Variants in NMT1 observed in about 807,000 individuals in gnomAD.
The protein encoded by NMT1 is glycylpeptide N-tetradecanoyltransferase 1.
In NMT1, 12 loss-of-function variants were observed where a neutral mutation model predicts 63.4. The ratio of observed to expected loss-of-function variants is 0.19; its 90% CI spans 0.12 to 0.31. The LOEUF (loss-of-function observed/expected upper bound fraction) is 0.31. NMT1 is among the 10% of genes least tolerant of loss of function. The probability of loss-of-function intolerance (pLI) is 1.00; values close to 1 mark genes in which losing one functional copy is unlikely to be tolerated. For synonymous variants in NMT1, 228 were observed against 234.3 expected, an observed-to-expected ratio of 0.97 and a Z score of 0.25; for missense variants, 432 against 634.6, an observed-to-expected ratio of 0.68 and a Z score of 3.43.
chr17:45,064,355 G>A (rs570522303), intron 1 of NMT1, among the ~76,000 whole-genome samples: 27 of 152,264 alleles, frequency 1.8e-4, no homozygotes, highest in Middle Eastern at 6.8e-3. Context: ...GGAGGTAGTA[G>A]GTGAAAAACC....
At chr17:45,071,746 G>C (rs903938963) in intron 1 of NMT1, among the ~76,000 whole-genome samples, 21 of 152,110 alleles carry the variant, frequency 1.4e-4, no homozygotes, top group African/African-American at 4.8e-4. Flanking sequence ...TAGAGATGGG[G>C]TCTCACTTTG....
intron 1 of NMT1, among the ~76,000 whole-genome samples, chr17:45,080,538 G>A (rs1418415037): frequency 2.1e-5 from 3 of 142,980 alleles, no homozygotes; most frequent in Non-Finnish European, 4.5e-5. Context: ...GCATGATCTC[G>A]GCTCACTGCA....
intron 1 of NMT1, among the ~76,000 whole-genome samples, chr17:45,079,527 T>C (rs1057084810): frequency 3.3e-5 from 5 of 152,194 alleles, no homozygotes; most frequent in Non-Finnish European, 5.9e-5. Flanking sequence ...CTGGGTAACA[T>C]AGGGAGACCC....
rs534327113 is a variant in NMT1 at position 45,091,753 on chromosome 17, G to A, written c.386-1932G>A. On this transcript the variant is annotated intron_variant, in intron 3 of 11. Transcript: ENST00000258960. The stretch of plus-strand genomic sequence containing the variant: ...ATCAAATGGTGGGTTTTGGCTGGGC[G>A]CCGTGGCTCATGCTATAATCCCAGC... Among the ~76,000 whole-genome samples, 9 of 152,218 alleles carry A rather than the reference G, an allele frequency of 5.9e-5. No homozygotes were observed. The South Asian group carries it at 1.0e-3, about 18-fold the overall frequency.
At position 45,067,141 on chromosome 17, in the gene NMT1, G is replaced by C. The variant is rs28412321; in HGVS notation, c.131+5681G>C. Among the ~76,000 whole-genome samples, 322 of 151,464 alleles carry C rather than the reference G, an allele frequency of 2.1e-3. 4 individuals carry two copies. The highest frequency in any genetic ancestry group is 7.7e-3 in the African/African-American group (319 of 41,278). On this transcript the variant is annotated intron_variant, in intron 1 of 11. Transcript: ENST00000258960. ...TTTATGCAGCATCCCCCTGTAGTTC[G>C]TGATTCATCTATATGGTTTAATTTG...
chr17:45,088,479 G>C (rs2054068011), intron 3 of NMT1, among the ~76,000 whole-genome samples: 1 of 152,218 alleles, frequency 6.6e-6, no homozygotes, highest in Admixed American at 6.5e-5. Flanking sequence ...TTGAGGCTGG[G>C]CGCAGTGGCT....
intron 2 of NMT1, among the ~76,000 whole-genome samples, chr17:45,082,371 C>A (rs1012002655): frequency 6.6e-6 from 1 of 152,112 alleles, no homozygotes; most frequent in African/African-American, 2.4e-5. Context: ...CTGCCCTAGC[C>A]TCCCAAAGTG....
chr17:45,085,476 G>A (rs1221898864), intron 2 of NMT1, among the ~76,000 whole-genome samples: 3 of 152,070 alleles, frequency 2.0e-5, no homozygotes, highest in African/African-American at 7.2e-5. Flanking sequence ...TTTTTGAAAA[G>A]TGTGTGTGCA....
In NMT1 at chr17:45,104,336, A is replaced by G. The variant is rs917214670; in HGVS notation, c.1332+460A>G. Reference sequence around the variant, plus strand: ...AGCCCAGCCCAGCCTGCTGTAGGCAATCTGGTCCCTGCCCTGTGAGAGCTT... The same window carrying G: ...AGCCCAGCCCAGCCTGCTGTAGGCAGTCTGGTCCCTGCCCTGTGAGAGCTT... On this transcript the variant is annotated intron_variant, in intron 10 of 11. Coordinates refer to ENST00000258960, the MANE Select transcript of NMT1 (RefSeq NM_021079.5). This position sits in a 1 kb window ranked among gnomAD's most constrained non-coding sequence, Gnocchi z 4.2. 4.3e-6 allele frequency: 5 copies of G among 1,160,662 alleles called. No homozygotes were observed. The highest frequency in any genetic ancestry group is 5.4e-6 in the Non-Finnish European group (5 of 931,884). The allele number at this position is 1,160,662 out of a possible 1,614,324, so 71.9% of individuals were successfully genotyped here.
At chr17:45,087,503 A>T (rs2054062554) in intron 3 of NMT1, among the ~76,000 whole-genome samples, 1 of 152,180 alleles carries the variant, frequency 6.6e-6, no homozygotes, top group Non-Finnish European at 1.5e-5. Context: ...ATCTAAAAGG[A>T]TTCTGGAAGG....
rs1424971387 is a variant in NMT1, at chr17:45,097,112, A to C, written c.597-16A>C. 1 of 1,609,046 alleles carries C rather than the reference A, an allele frequency of 6.2e-7. No homozygotes were observed. The highest frequency in any genetic ancestry group is 8.5e-7 in the Non-Finnish European group (1 of 1,175,554). ...TGCCGGCAAGCAGCACAACCACCCC[A>C]GCCTCTCTTTTCCAGGGCTCTCCGG... On this transcript the variant is annotated splice_polypyrimidine_tract_variant and intron_variant, in intron 5 of 11. Coordinates refer to ENST00000258960, the MANE Select transcript of NMT1 (RefSeq NM_021079.5).
intron 1 of NMT1, among the ~76,000 whole-genome samples, chr17:45,065,143 G>A (rs1401693415): frequency 6.6e-6 from 1 of 152,160 alleles, no homozygotes; most frequent in Non-Finnish European, 1.5e-5. Flanking sequence ...TCTTCGAAAT[G>A]CCTAGCACTT....
Position 45,105,583 on chromosome 17 carries a change from C to T in NMT1, c.1471-36C>T, listed in dbSNP as rs555107771. Reference sequence around the variant, plus strand: ...TGTGGGAGAGTCTTTGGGCCACTGTCAACTCAGCTCTGCCTCTCCCTGTTG... The same window carrying T: ...TGTGGGAGAGTCTTTGGGCCACTGTTAACTCAGCTCTGCCTCTCCCTGTTG... On this transcript the variant is annotated intron_variant, in intron 11 of 11. Transcript: ENST00000258960. This position sits in a 1 kb window ranked among gnomAD's most constrained non-coding sequence, Gnocchi z 4.2. 2 of 1,612,670 alleles carry T rather than the reference C, an allele frequency of 1.2e-6. No individual in the cohort carries two copies. Among genetic ancestry groups the T allele is most frequent in the African/African-American group, 2.7e-5 (2 of 74,994 alleles).
chr17:45,081,588 G>T (rs1463673670), intron 1 of NMT1, 56 bp from the exon 2 acceptor site: 3 of 1,459,886 alleles, frequency 2.1e-6, no homozygotes, highest in Non-Finnish European at 2.8e-6. Context: ...TTTGTCAGGG[G>T]TAGCACAAAA....
At position 45,065,147 on chromosome 17, in the gene NMT1, A is replaced by G. The variant is rs75344682; in HGVS notation, c.131+3687A>G. 5.9e-3 allele frequency among the ~76,000 whole-genome samples: 893 copies of G among 152,332 alleles called. 2 individuals are homozygous for G. Among genetic ancestry groups the G allele is most frequent in the Non-Finnish European group, 8.6e-3 (588 of 68,030 alleles). On this transcript the variant is annotated intron_variant, in intron 1 of 11. Coordinates refer to ENST00000258960, the MANE Select transcript of NMT1 (RefSeq NM_021079.5). ...ACAGGATTGTGTCTTCGAAATGCCT[A>G]GCACTTAGTGGGCATTAATGAGTAT...
chr17:45,084,641 T>C lies in NMT1; in HGVS notation c.241-1867T>C, dbSNP rs192517204. The stretch of plus-strand genomic sequence containing the variant: ...AGCCACCGCGCCCGGCCACTTTTTT[T>C]TTTTTAATAGGGACAGGGGTCTCAC... On this transcript the variant is annotated intron_variant, in intron 2 of 11. Coordinates refer to ENST00000258960, the MANE Select transcript of NMT1 (RefSeq NM_021079.5). 5.6e-3 allele frequency among the ~76,000 whole-genome samples: 853 copies of C among 151,722 alleles called. 6 individuals are homozygous for C. Among genetic ancestry groups the C allele is most frequent in the Middle Eastern group, 0.037 (11 of 294 alleles).
At chr17:45,069,273 ATTATTTAT>A (rs1555604551) in intron 1 of NMT1, among the ~76,000 whole-genome samples, 234 of 137,672 alleles carry the variant, frequency 1.7e-3, no homozygotes, top group South Asian at 0.011. Context: ...TTTATTTTTT[ATTATTTAT>A]TTATTTATTT....
rs528068964 is a variant in NMT1 at position 45,107,466 on chromosome 17, G to C, written c.*1827G>C. The C allele has an allele frequency of 6.5e-6, 1 of 152,770 alleles. No homozygotes were observed. Among genetic ancestry groups the C allele is most frequent in the East Asian group, 1.9e-4 (1 of 5,186 alleles). The allele number at this position is 152,770 out of a possible 1,614,324, so 9.5% of individuals were successfully genotyped here. On this transcript the variant is annotated 3_prime_UTR_variant, in exon 12 of 12. Transcript: ENST00000258960. ...TTGACTCCAAGAAACTGAGACCAAA[G>C]AAGCTGCTGTTCTTAGCAAGATGCG...
intron 2 of NMT1, 129 bp downstream of exon 2, chr17:45,081,881 C>A: frequency 1.4e-6 from 1 of 740,724 alleles, no homozygotes; most frequent in South Asian, 1.9e-5. Context: ...AGAGTTGGAT[C>A]CCAGTGCTGT....
Sources: gnomAD v4.1 joint callset for allele counts (sites outside exome capture counted in the v4.1 genomes callset) on GRCh38, gnomAD v4.1.1 for gene constraint, Gnocchi (gnomAD v3.1) non-coding constraint, MANE v1.5 for transcripts, NCBI Gene and HGNC (gene_info 2026-07-23, HGNC 2026-07-21) for gene names.